Variants in ISM1 observed in about 807,000 individuals in gnomAD.
ISM1 encodes isthmin-1.
In ISM1, 25 loss-of-function variants were observed where a neutral mutation model predicts 46.3. That is an observed-to-expected ratio of 0.54 (90% CI 0.39 to 0.75). The LOEUF is 0.75. ISM1 is among the 30% of genes least tolerant of loss of function. The probability of loss-of-function intolerance (pLI) is 0.00; values close to 1 mark genes in which losing one functional copy is unlikely to be tolerated. For missense variants in ISM1, 536 were observed against 625.4 expected, an observed-to-expected ratio of 0.86 and a Z score of 1.52; for synonymous variants, 255 against 256.7, an observed-to-expected ratio of 0.99 and a Z score of 0.06.
chr20:13,225,447 A>C (rs1055426702), intron 1 of ISM1, among the ~76,000 whole-genome samples: 1 of 152,224 alleles, frequency 6.6e-6, no homozygotes, highest in East Asian at 1.9e-4. Context: ...ATACACATAC[A>C]TTATATATAC....
chr20:13,288,762 C>A, intron 4 of ISM1, 79 bp downstream of exon 4: 3 of 1,392,108 alleles, frequency 2.2e-6, no homozygotes, highest in Non-Finnish European at 3.0e-6. Flanking sequence ...GTGACATTGT[C>A]TTTTTAAAAG....
intron 1 of ISM1, among the ~76,000 whole-genome samples, chr20:13,223,118 C>T (rs1344228534): frequency 6.6e-6 from 1 of 150,886 alleles, no homozygotes; most frequent in East Asian, 2.0e-4. Context: ...GATCGCGCCA[C>T]TGCACTCCAG....
intron 1 of ISM1, among the ~76,000 whole-genome samples, chr20:13,247,517 GGTGTGTGTGTGT>G (rs35224672): frequency 3.6e-5 from 5 of 139,806 alleles, no homozygotes; most frequent in South Asian, 2.3e-4. Context: ...CAAAGTGAGG[GGTGTGTGTGTGT>G]GTGTGTGTGT....
chr20:13,274,539 G>T (rs1244903272), intron 2 of ISM1, among the ~76,000 whole-genome samples: 1 of 152,018 alleles, frequency 6.6e-6, no homozygotes, highest in Non-Finnish European at 1.5e-5. Flanking sequence ...CTTCCCCTCC[G>T]CACCTCCCCA....
intron 1 of ISM1, among the ~76,000 whole-genome samples, chr20:13,240,072 C>A (rs2039701313): frequency 6.6e-6 from 1 of 152,166 alleles, no homozygotes; most frequent in South Asian, 2.1e-4. Flanking sequence ...AACCAAACTG[C>A]AGTAAGGCAA....
chr20:13,293,207 C>CA (rs397865981), intron 5 of ISM1, among the ~76,000 whole-genome samples: 22,299 of 87,040 alleles, frequency 0.26, 2,187 homozygotes, highest in Non-Finnish European at 0.32. Flanking sequence ...GACTCCGTCT[C>CA]AAAAAAAAAA....
intron 5 of ISM1, among the ~76,000 whole-genome samples, chr20:13,294,468 T>A (rs1449321549): frequency 6.6e-6 from 1 of 152,202 alleles, no homozygotes; most frequent in African/African-American, 2.4e-5. Context: ...CTCAGGACTC[T>A]TCATATCACA....
intron 4 of ISM1, among the ~76,000 whole-genome samples, chr20:13,290,351 C>T (rs2040339231): frequency 6.6e-6 from 1 of 152,024 alleles, no homozygotes; most frequent in Admixed American, 6.6e-5. Flanking sequence ...AAAGATGAGG[C>T]AAAAGAAAAT....
rs139327781 is a variant in ISM1, at chr20:13,262,260, T to C, written c.139-8244T>C. 5.6e-3 allele frequency among the ~76,000 whole-genome samples: 858 copies of C among 152,332 alleles called. 4 individuals are homozygous for C. Among genetic ancestry groups the C allele is most frequent in the Non-Finnish European group, 9.3e-3 (630 of 68,024 alleles). On this transcript the variant is annotated intron_variant, in intron 1 of 5. Coordinates refer to ENST00000262487, the MANE Select transcript of ISM1 (RefSeq NM_080826.2). ...GGGATGGAAGCCCCCTGGTGGCCAC[T>C]GGTGGCCTGGCCTTTATAGCCCTGA...
chr20:13,222,627 G>C (rs2039464753), intron 1 of ISM1, among the ~76,000 whole-genome samples: 1 of 152,144 alleles, frequency 6.6e-6, no homozygotes, highest in South Asian at 2.1e-4. Context: ...CTTCCCCGTT[G>C]AAGGTCGCTT....
chr20:13,269,800 A>G (rs1204569202), intron 1 of ISM1, among the ~76,000 whole-genome samples: 1 of 151,896 alleles, frequency 6.6e-6, no homozygotes, highest in Non-Finnish European at 1.5e-5. Flanking sequence ...TTATCTATGG[A>G]TTTATTGTTT....
At position 13,221,796 on chromosome 20, in the gene ISM1, A is replaced by AGCTGCT. The variant is rs764390050; in HGVS notation, c.31_36dup (p.Leu11_Leu12dup). On this transcript the variant is annotated inframe_insertion, in exon 1 of 6. Transcript: ENST00000262487. ...AAAAGGATGGTGCGCCTGGCGGCCG[A>AGCTGCT]GCTGCTGCTGCTGCTGGGGCTGCTG... 2.8e-6 allele frequency: 4 copies of AGCTGCT among 1,450,500 alleles called. No individual in the cohort carries two copies. The highest frequency in any genetic ancestry group is 5.0e-5 in the Admixed American group (2 of 39,606). 89.9% of individuals were successfully genotyped at this position (1,450,500 alleles called of 1,614,324 possible).
chr20:13,290,009 T>G (rs76567115), intron 4 of ISM1, among the ~76,000 whole-genome samples: 3,192 of 152,280 alleles, frequency 0.021, 118 homozygotes, highest in African/African-American at 0.073. Flanking sequence ...CAAAGGCGTT[T>G]CTGAGGAGAG....
chr20:13,305,757 A>G, the ISM1 span, among the ~76,000 whole-genome samples: 1 of 152,208 alleles, frequency 6.6e-6, no homozygotes, highest in Admixed American at 6.5e-5. Context: ...AGAAGGTAAG[A>G]TTTTTAAGGA....
intron 1 of ISM1, among the ~76,000 whole-genome samples, chr20:13,260,935 T>C (rs1254639283): frequency 6.6e-6 from 1 of 152,186 alleles, no homozygotes; most frequent in Non-Finnish European, 1.5e-5. Flanking sequence ...TGACTGGCCA[T>C]TGGCAGGCTG....
rs1374957905 is a variant in ISM1, at chr20:13,279,753, G to A, written c.498G>A (p.Leu166=). The change falls in exon 3 of 6, where the codon CTG becomes CTA. Residue 166 remains leucine (L), a synonymous_variant. Transcript: ENST00000262487. ...GGCGGGCCTGGTGGCAGAGGTCCCT[G>A]TCCTTGGCCAGGGCAAACAGCGGGG... ...PDWRAWWQRS[L]SLARANSGDQ... is the part of the protein sequence containing the mutation. 4.3e-6 allele frequency: 7 copies of A among 1,613,892 alleles called. No homozygotes were observed. Among genetic ancestry groups the A allele is most frequent in the South Asian group, 1.1e-5 (1 of 91,088 alleles).
At chr20:13,283,031 T>C (rs972133387) in intron 3 of ISM1, among the ~76,000 whole-genome samples, 16 of 152,178 alleles carry the variant, frequency 1.1e-4, no homozygotes, top group Admixed American at 6.5e-4. Flanking sequence ...CTTTTCTTTC[T>C]GTTTTTTTAT....
intron 1 of ISM1, among the ~76,000 whole-genome samples, chr20:13,225,590 G>A (rs1353497599): frequency 2.0e-5 from 3 of 152,104 alleles, no homozygotes; most frequent in African/African-American, 4.8e-5. Flanking sequence ...TAATAGGTAC[G>A]ATGTTACAAG....
At chr20:13,264,789 G>A (rs1482807821) in intron 1 of ISM1, among the ~76,000 whole-genome samples, 2 of 152,190 alleles carry the variant, frequency 1.3e-5, no homozygotes, top group Non-Finnish European at 2.9e-5. Context: ...TTTGTCATCT[G>A]AGAAAAACTG....
Sources: allele counts gnomAD v4.1 joint callset (sites outside exome capture counted in the v4.1 genomes callset), GRCh38; gene constraint gnomAD v4.1.1; transcripts MANE v1.5; gene names NCBI Gene and HGNC (gene_info 2026-07-23, HGNC 2026-07-21).